The following KHDRBS2 variants were observed in gnomAD, a reference collection of about 807,000 sequenced individuals.
KHDRBS2 encodes the protein KH domain-containing, RNA-binding, signal transduction-associated protein 2.
KHDRBS2 carries 26 observed loss-of-function variants against 44.3 expected under a neutral mutation model. The ratio of observed to expected loss-of-function variants is 0.59; its 90% CI spans 0.43 to 0.81. The LOEUF (loss-of-function observed/expected upper bound fraction) is 0.81. Ranked by LOEUF, KHDRBS2 falls within the 40% of genes least tolerant of loss-of-function variation. The pLI, the probability that KHDRBS2 is intolerant of heterozygous loss-of-function variation, is 0.00. For missense variants in KHDRBS2, 476 were observed against 433.1 expected (o/e 1.10, Z -0.88); for synonymous variants, 194 against 151.1 (o/e 1.28, Z -2.08).
At chr6:61,741,848 T>C (rs906879390) in intron 6 of KHDRBS2, among the ~76,000 whole-genome samples, 1 of 151,990 alleles carries the variant, frequency 6.6e-6, no homozygotes, top group East Asian at 1.9e-4. Flanking sequence ...TCTGACTCTG[T>C]TATATACCCA....
the KHDRBS2 span, among the ~76,000 whole-genome samples, chr6:61,609,684 G>C: frequency 1.3e-5 from 2 of 152,172 alleles, no homozygotes; most frequent in African/African-American, 2.4e-5. Flanking sequence ...AAGGGTTAAT[G>C]AATTAGCTTC....
At chr6:62,058,911 T>A (rs1292863167) in intron 2 of KHDRBS2, among the ~76,000 whole-genome samples, 1 of 151,832 alleles carries the variant, frequency 6.6e-6, no homozygotes, top group Non-Finnish European at 1.5e-5. Context: ...TCAATGGACA[T>A]ATTTGTATAA....
At chr6:61,892,385 G>T (rs1802015027) in intron 6 of KHDRBS2, among the ~76,000 whole-genome samples, 1 of 152,126 alleles carries the variant, frequency 6.6e-6, no homozygotes, top group African/African-American at 2.4e-5. Flanking sequence ...TTTATTCACA[G>T]AATTGGAAAA....
chr6:62,164,126 G>A (rs751872697), intron 2 of KHDRBS2, among the ~76,000 whole-genome samples: 3 of 151,580 alleles, frequency 2.0e-5, no homozygotes, highest in Non-Finnish European at 4.4e-5. Context: ...ATTTTCTACT[G>A]CACGTTTTAA....
chr6:61,599,397 A>G, the KHDRBS2 span, among the ~76,000 whole-genome samples: 8 of 152,298 alleles, frequency 5.3e-5, no homozygotes, highest in East Asian at 1.4e-3. Flanking sequence ...TCCCAGAGGT[A>G]ACTTTTAAGA....
chr6:61,556,269 G>A, the KHDRBS2 span, among the ~76,000 whole-genome samples: 28 of 152,314 alleles, frequency 1.8e-4, no homozygotes, highest in South Asian at 2.3e-3. Context: ...GTGGCCATGC[G>A]TGCATTCACA....
intron 1 of KHDRBS2, among the ~76,000 whole-genome samples, chr6:62,229,712 G>A (rs114909086): frequency 3.5e-4 from 53 of 152,242 alleles, no homozygotes; most frequent in African/African-American, 9.6e-4. Flanking sequence ...TGGGTAGCAC[G>A]CTCACTCACA....
At chr6:61,749,099 G>A (rs755599610) in intron 6 of KHDRBS2, among the ~76,000 whole-genome samples, 15 of 130,450 alleles carry the variant, frequency 1.1e-4, no homozygotes, top group African/African-American at 1.8e-4. Context: ...TGCAAACTCC[G>A]CCTCCCAGGT....
chr6:61,580,660 A>G, the KHDRBS2 span, among the ~76,000 whole-genome samples: 5 of 152,220 alleles, frequency 3.3e-5, no homozygotes, highest in South Asian at 1.0e-3. Flanking sequence ...CAGACACCAG[A>G]CCATGAACCC....
intron 3 of KHDRBS2, among the ~76,000 whole-genome samples, chr6:62,010,393 T>C (rs1452681217): frequency 1.3e-5 from 2 of 152,168 alleles, no homozygotes; most frequent in East Asian, 1.9e-4. Context: ...TTGTCTTGGA[T>C]GAGACTTTGG....
intron 4 of KHDRBS2, among the ~76,000 whole-genome samples, chr6:61,970,487 C>T (rs957828467): frequency 6.6e-6 from 1 of 152,010 alleles, no homozygotes; most frequent in African/African-American, 2.4e-5. Context: ...GTTAAGTACA[C>T]AGAAGAAAGC....
chr6:61,794,345 G>A (rs1785025310), intron 6 of KHDRBS2, among the ~76,000 whole-genome samples: 2 of 152,148 alleles, frequency 1.3e-5, no homozygotes, highest in African/African-American at 4.8e-5. Flanking sequence ...AGCAAATGCA[G>A]CCCAGCCTAG....
chr6:61,979,210 C>G (rs1338796559), intron 3 of KHDRBS2, among the ~76,000 whole-genome samples: 6 of 152,010 alleles, frequency 3.9e-5, no homozygotes, highest in African/African-American at 1.4e-4. Context: ...CAGATCCAGA[C>G]CCAGTTCATT....
chr6:62,221,303 T>C (rs1215360030), intron 1 of KHDRBS2, among the ~76,000 whole-genome samples: 1 of 151,938 alleles, frequency 6.6e-6, no homozygotes, highest in Non-Finnish European at 1.5e-5. Context: ...GTTACTAGGA[T>C]TAAGGTAGAG....
chr6:62,127,147 CTTACT>C (rs969490740), intron 2 of KHDRBS2, among the ~76,000 whole-genome samples: 23 of 152,064 alleles, frequency 1.5e-4, no homozygotes, highest in African/African-American at 2.9e-4. Context: ...AGTGAGTCTC[CTTACT>C]TTAAATACAA....
chr6:61,558,940 C>G, the KHDRBS2 span, among the ~76,000 whole-genome samples: 1 of 152,026 alleles, frequency 6.6e-6, no homozygotes, highest in Non-Finnish European at 1.5e-5. Context: ...TCCATTTGGT[C>G]TTAGTGTAGA....
the KHDRBS2 span, among the ~76,000 whole-genome samples, chr6:61,550,876 G>A: frequency 6.7e-6 from 1 of 148,542 alleles, no homozygotes; most frequent in Non-Finnish European, 1.5e-5. Flanking sequence ...GGGTTCAAGT[G>A]ATTCTCCTCC....
chr6:61,893,284 C>T (rs1802319430), intron 6 of KHDRBS2, among the ~76,000 whole-genome samples: 4 of 152,196 alleles, frequency 2.6e-5, no homozygotes, highest in Admixed American at 2.6e-4. Flanking sequence ...AGTAGGAACA[C>T]TTTTACACTG....
chr6:61,547,406 G>GT, the KHDRBS2 span, among the ~76,000 whole-genome samples: 1 of 151,890 alleles, frequency 6.6e-6, no homozygotes, highest in Non-Finnish European at 1.5e-5. Flanking sequence ...TATTTTTGCT[G>GT]TTTTCATAAA....
Sources: gnomAD v4.1 joint callset for allele counts (sites outside exome capture counted in the v4.1 genomes callset) on GRCh38, gnomAD v4.1.1 for gene constraint, MANE v1.5 for transcripts, NCBI Gene and HGNC (gene_info 2026-07-23, HGNC 2026-07-21) for gene names.